The following NTRK2 variants were observed in gnomAD, a reference collection of about 807,000 sequenced individuals.
NTRK2 encodes BDNF/NT-3 growth factors receptor.
Under a neutral mutation model 94.5 loss-of-function variants are expected in NTRK2, and 13 were observed. The ratio of observed to expected loss-of-function variants is 0.14; its 90% CI spans 0.09 to 0.22. The LOEUF is 0.22. Among genes scored for constraint, NTRK2 ranks in the 10% least tolerant of loss-of-function variants. NTRK2 has a pLI of 1.00. For synonymous variants in NTRK2, 372 were observed against 407.4 expected (o/e 0.91, Z 1.05); for missense variants, 639 against 1,071.2 (o/e 0.60, Z 5.63).
intron 17 of NTRK2, among the ~76,000 whole-genome samples, chr9:84,981,689 T>C (rs184656787): frequency 9.2e-4 from 140 of 152,362 alleles, no homozygotes; most frequent in African/African-American, 3.3e-3. Flanking sequence ...GGAAGAATTG[T>C]ATTTTTAAAA....
intron 14 of NTRK2, among the ~76,000 whole-genome samples, chr9:84,925,201 CTTT>C (rs562875058): frequency 7.8e-5 from 11 of 141,288 alleles, no homozygotes; most frequent in Admixed American, 2.9e-4. Context: ...TTCTCTTCTT[CTTT>C]TTTTTTTTTT....
At chr9:84,953,565 A>C (rs1389426031) in intron 16 of NTRK2, among the ~76,000 whole-genome samples, 2 of 152,242 alleles carry the variant, frequency 1.3e-5, no homozygotes, top group Non-Finnish European at 2.9e-5. Context: ...TTTGAGCTGA[A>C]GAAAGCCCTG....
intron 12 of NTRK2, among the ~76,000 whole-genome samples, chr9:84,833,670 G>C (rs1458952255): frequency 6.6e-6 from 1 of 151,558 alleles, no homozygotes; most frequent in East Asian, 1.9e-4. Context: ...GAGGGGGCAG[G>C]GATCACTCCT....
chr9:84,809,473 C>T (rs1243604203), intron 12 of NTRK2, among the ~76,000 whole-genome samples: 1 of 149,568 alleles, frequency 6.7e-6, no homozygotes, highest in Non-Finnish European at 1.5e-5. Flanking sequence ...ATACAATGTA[C>T]TGCATGTTGT....
intron 6 of NTRK2, among the ~76,000 whole-genome samples, chr9:84,714,248 C>G (rs1230958903): frequency 2.0e-5 from 3 of 152,112 alleles, no homozygotes; most frequent in Non-Finnish European, 4.4e-5. Flanking sequence ...ATGCCCTTCT[C>G]CATACGGGGT....
intron 6 of NTRK2, 113 bp from the exon 7 acceptor site, chr9:84,723,460 A>G: frequency 8.0e-7 from 1 of 1,257,360 alleles, no homozygotes; most frequent in East Asian, 2.4e-5. Context: ...CAGTCTCAAA[A>G]AGCAATTAAA....
chr9:84,940,324 G>T (rs898754663), intron 15 of NTRK2, among the ~76,000 whole-genome samples: 1 of 152,200 alleles, frequency 6.6e-6, no homozygotes, highest in East Asian at 1.9e-4. Flanking sequence ...GCTCACTCAA[G>T]ATCTGAGGCA....
In NTRK2 at chr9:85,024,133, T is replaced by G. The variant is rs1490696190; in HGVS notation, c.*2696T>G. 2 of 231,298 alleles carry G rather than the reference T, an allele frequency of 8.6e-6. No homozygotes were observed. Among genetic ancestry groups the G allele is most frequent in the Non-Finnish European group, 1.7e-5 (2 of 116,918 alleles). 14.3% of individuals were successfully genotyped at this position (231,298 alleles called of 1,614,324 possible). Reference sequence around the variant, plus strand: ...TTATTGCTGATTATTACTATTACTATCTCTGTTGTCTTAAGAGTATGTGCT... The same window carrying G: ...TTATTGCTGATTATTACTATTACTAGCTCTGTTGTCTTAAGAGTATGTGCT... On this transcript the variant is annotated 3_prime_UTR_variant, in exon 19 of 19. Transcript: ENST00000277120.
At chr9:84,963,073 G>A (rs1221025274) in intron 17 of NTRK2, among the ~76,000 whole-genome samples, 1 of 152,230 alleles carries the variant, frequency 6.6e-6, no homozygotes, top group Non-Finnish European at 1.5e-5. Flanking sequence ...CTGGCTGCAA[G>A]ATGGCTGCAG....
Position 84,745,035 on chromosome 9 carries a change from A to C in NTRK2, c.1258A>C (p.Thr420Pro). 1.2e-6 allele frequency: 2 copies of C among 1,613,822 alleles called. No individual in the cohort carries two copies. The highest frequency in any genetic ancestry group is 1.7e-6 in the Non-Finnish European group (2 of 1,179,932). The change falls in exon 11 of 19, where the codon ACA (threonine) becomes CCA (proline). Residue 420 changes from threonine (T) to proline (P), a missense_variant. Physicochemically the swap from Thr to Pro is conservative, Grantham distance 38. Transcript: ENST00000277120. ...TTNRSNEIPSTDVTDKTGREH... is the reference protein window; with the variant it reads ...TTNRSNEIPSPDVTDKTGREH... ...GAACAGAAGTAATGAAATCCCTTCC[A>C]CAGACGTCACTGATAAAACCGGTCG...
intron 12 of NTRK2, among the ~76,000 whole-genome samples, chr9:84,859,482 A>G (rs10868231): frequency 0.3 from 45,566 of 152,090 alleles, 6,852 homozygotes; most frequent in Admixed American, 0.34. Flanking sequence ...ATTATTTTTA[A>G]CAAGAGAAGG....
At chr9:84,707,790 G>T in intron 4 of NTRK2, 54 bp from the exon 5 acceptor site, 1 of 1,331,216 alleles carries the variant, frequency 7.5e-7, no homozygotes, top group South Asian at 1.2e-5. Context: ...TGAATACTGT[G>T]TTCCTAAAAT....
intron 12 of NTRK2, among the ~76,000 whole-genome samples, chr9:84,797,586 C>CTATATATACTATATAGTATATATAT (rs2069532230): frequency 1.9e-5 from 1 of 51,496 alleles, no homozygotes; most frequent in African/African-American, 9.3e-5. Context: ...ATTATATATA[C>CTATATATACTATATAGTATATATAT]TATATATACT....
At chr9:85,016,098 C>T (rs1418539530) in intron 17 of NTRK2, among the ~76,000 whole-genome samples, 1 of 152,146 alleles carries the variant, frequency 6.6e-6, no homozygotes, top group African/African-American at 2.4e-5. Flanking sequence ...ATGTTGAAGA[C>T]TGAGTGTTGA....
At chr9:84,967,476 T>C (rs913574683) in intron 17 of NTRK2, among the ~76,000 whole-genome samples, 1 of 152,252 alleles carries the variant, frequency 6.6e-6, no homozygotes, top group African/African-American at 2.4e-5. Context: ...AGTGTCACAG[T>C]ATGAAGGCAT....
intron 12 of NTRK2, among the ~76,000 whole-genome samples, chr9:84,787,785 G>A (rs1276159697): frequency 6.6e-6 from 1 of 152,166 alleles, no homozygotes; most frequent in Non-Finnish European, 1.5e-5. Flanking sequence ...GATTAAATAA[G>A]GGACTATCTA....
intron 15 of NTRK2, among the ~76,000 whole-genome samples, chr9:84,940,332 G>A (rs1191293797): frequency 1.3e-5 from 2 of 152,176 alleles, no homozygotes; most frequent in Non-Finnish European, 2.9e-5. Context: ...AAGATCTGAG[G>A]CAGCCCTGGT....
chr9:84,941,406 C>G (rs2078404656), intron 15 of NTRK2, among the ~76,000 whole-genome samples: 1 of 152,118 alleles, frequency 6.6e-6, no homozygotes, highest in Non-Finnish European at 1.5e-5. Flanking sequence ...CTTTGGTGAC[C>G]CTCATTTCTG....
intron 12 of NTRK2, among the ~76,000 whole-genome samples, chr9:84,794,611 G>A (rs2069088123): frequency 1.3e-5 from 2 of 152,140 alleles, no homozygotes; most frequent in Admixed American, 1.3e-4. Flanking sequence ...GCGCAATACA[G>A]AATATAGTTA....
Sources: allele counts gnomAD v4.1 joint callset (sites outside exome capture counted in the v4.1 genomes callset), GRCh38; gene constraint gnomAD v4.1.1; transcripts MANE v1.5; gene names NCBI Gene and HGNC (gene_info 2026-07-23, HGNC 2026-07-21).